SLC16A2: variants seen among roughly 807,000 people sequenced by gnomAD.
SLC16A2 encodes the protein monocarboxylate transporter 8.
Under a neutral mutation model 27.2 loss-of-function variants are expected in SLC16A2, and 3 were observed. That is an observed-to-expected ratio of 0.11 (90% CI 0.05 to 0.28). The LOEUF (loss-of-function observed/expected upper bound fraction) is 0.28. Among genes scored for constraint, SLC16A2 ranks in the 10% least tolerant of loss-of-function variants. The probability of loss-of-function intolerance (pLI) is 1.00; values close to 1 mark genes in which losing one functional copy is unlikely to be tolerated. For missense variants in SLC16A2, 295 were observed against 458.5 expected (o/e 0.64, Z 3.26); for synonymous variants, 202 against 187.8 (o/e 1.08, Z -0.62).
At chrX:74,440,868 C>T (rs964265553) in intron 1 of SLC16A2, among the ~76,000 whole-genome samples, 3 of 110,436 alleles carry the variant, frequency 2.7e-5, no homozygotes, top group Non-Finnish European at 3.8e-5. Context: ...GGTCTGACCT[C>T]TGGTTCACTG....
chrX:74,524,280 G>A (rs1930454099), intron 2 of SLC16A2, 79 bp from the exon 3 acceptor site: 16 of 1,041,411 alleles, frequency 1.5e-5, no homozygotes, highest in South Asian at 3.8e-5. Context: ...AGGAATGGAA[G>A]TCTCAGGAAG....
chrX:74,499,455 CT>C (rs750553597), intron 1 of SLC16A2, among the ~76,000 whole-genome samples: 402 of 99,388 alleles, frequency 4.0e-3, no homozygotes, highest in Middle Eastern at 9.7e-3. Context: ...TTCTTTCTTT[CT>C]TTTTTTTTTT....
At chrX:74,466,578 C>CA (rs895914308) in intron 1 of SLC16A2, among the ~76,000 whole-genome samples, 6 of 111,776 alleles carry the variant, frequency 5.4e-5, no homozygotes, top group Admixed American at 3.8e-4. Context: ...GGAGTAATGA[C>CA]AAAAAAAGTC....
At chrX:74,492,084 C>T (rs934248525) in intron 1 of SLC16A2, among the ~76,000 whole-genome samples, 14 of 111,979 alleles carry the variant, frequency 1.3e-4, no homozygotes, top group Admixed American at 1.2e-3. Context: ...CCTATCCTAG[C>T]GACTTGCCAT....
At chrX:74,508,944 C>T (rs1930180616) in intron 1 of SLC16A2, among the ~76,000 whole-genome samples, 1 of 84,178 alleles carries the variant, frequency 1.2e-5, no homozygotes, top group South Asian at 7.3e-4. Context: ...AGCAGACATC[C>T]TTTTTGTATC....
At chrX:74,480,246 A>G (rs1325460922) in intron 1 of SLC16A2, among the ~76,000 whole-genome samples, 3 of 112,273 alleles carry the variant, frequency 2.7e-5, no homozygotes, top group Non-Finnish European at 5.6e-5. Flanking sequence ...TGTGCTAGCA[A>G]TGAATGAGGC....
At chrX:74,531,188 C>A (rs5937844) in intron 5 of SLC16A2, 145 bp from the exon 6 acceptor site, 17 of 522,049 alleles carry the variant, frequency 3.3e-5, no homozygotes, top group Middle Eastern at 4.9e-4. Context: ...GCCCCAATGC[C>A]TTGAAGTTGA....
In SLC16A2 at chrX:74,509,334, G is replaced by T. The variant is rs185668596; in HGVS notation, c.431-11656G>T. On this transcript the variant is annotated intron_variant, in intron 1 of 5. Coordinates refer to ENST00000587091, the MANE Select transcript of SLC16A2 (RefSeq NM_006517.5). The stretch of plus-strand genomic sequence containing the variant: ...TGATGTTAGCTATAGGCTTTTCATG[G>T]TTGCCCTCTATCAGGTTGTGAAAGT... 1.1e-3 allele frequency among the ~76,000 whole-genome samples: 121 copies of T among 111,624 alleles called. 1 individual carries two copies. The highest frequency in any genetic ancestry group is 9.3e-3 in the East Asian group (33 of 3,547).
At chrX:74,500,966 TC>T (rs998458538) in intron 1 of SLC16A2, among the ~76,000 whole-genome samples, 6 of 108,909 alleles carry the variant, frequency 5.5e-5, no homozygotes, top group Non-Finnish European at 9.6e-5. Context: ...AAAATATGTT[TC>T]CCCCCATTTA....
intron 2 of SLC16A2, among the ~76,000 whole-genome samples, chrX:74,522,309 A>G (rs1173375758): frequency 8.9e-6 from 1 of 111,809 alleles, no homozygotes; most frequent in Non-Finnish European, 1.9e-5. Context: ...TTTCTTTATG[A>G]CTTGAGCATT....
At chrX:74,498,406 C>G in intron 1 of SLC16A2, among the ~76,000 whole-genome samples, 1 of 66,077 alleles carries the variant, frequency 1.5e-5, no homozygotes, top group South Asian at 6.2e-4. Flanking sequence ...CTGTTAACCC[C>G]CCTCAACCCA....
At chrX:74,434,146 A>C (rs1349566081) in intron 1 of SLC16A2, among the ~76,000 whole-genome samples, 1 of 106,431 alleles carries the variant, frequency 9.4e-6, no homozygotes, top group Non-Finnish European at 1.9e-5. Context: ...CCAGAGAAGG[A>C]AAAGGGTCCC....
chrX:74,423,256 A>T (rs6647477), intron 1 of SLC16A2, among the ~76,000 whole-genome samples: 2 of 110,939 alleles, frequency 1.8e-5, no homozygotes, highest in Non-Finnish European at 1.9e-5. Flanking sequence ...ACCAGCCCCA[A>T]GTTCACAACT....
At chrX:74,506,478 G>C (rs904222272) in intron 1 of SLC16A2, among the ~76,000 whole-genome samples, 8 of 111,729 alleles carry the variant, frequency 7.2e-5, no homozygotes. Flanking sequence ...CACTGCCCTA[G>C]AGTTCAGGAA....
At chrX:74,512,566 A>G (rs968275294) in intron 1 of SLC16A2, among the ~76,000 whole-genome samples, 46 of 112,272 alleles carry the variant, frequency 4.1e-4, no homozygotes, top group Admixed American at 4.1e-3. Flanking sequence ...AAAGGAATTT[A>G]TGAAAGCTTG....
chrX:74,453,876 G>A (rs1928991588), intron 1 of SLC16A2, among the ~76,000 whole-genome samples: 1 of 111,535 alleles, frequency 9.0e-6, no homozygotes, highest in Admixed American at 9.5e-5. Context: ...TTTTTTTATT[G>A]ATACATAATA....
intron 1 of SLC16A2, among the ~76,000 whole-genome samples, chrX:74,482,390 A>G (rs898109588): frequency 9.0e-6 from 1 of 111,061 alleles, no homozygotes; most frequent in African/African-American, 3.3e-5. Flanking sequence ...TCTTCTGTTT[A>G]TTTCTCGCTC....
chrX:74,438,720 G>T (rs1484545847), intron 1 of SLC16A2, among the ~76,000 whole-genome samples: 2 of 111,678 alleles, frequency 1.8e-5, no homozygotes, highest in African/African-American at 6.5e-5. Flanking sequence ...AGTTTTCCGG[G>T]GGTCTGACAA....
At chrX:74,486,928 CTT>C (rs1014744531) in intron 1 of SLC16A2, among the ~76,000 whole-genome samples, 3 of 111,563 alleles carry the variant, frequency 2.7e-5, no homozygotes, top group African/African-American at 9.8e-5. Context: ...AGTTCATGTC[CTT>C]TGTAGGGACA....
Sources: allele counts gnomAD v4.1 joint callset (sites outside exome capture counted in the v4.1 genomes callset), GRCh38; gene constraint gnomAD v4.1.1; transcripts MANE v1.5; gene names NCBI Gene and HGNC (gene_info 2026-07-23, HGNC 2026-07-21).